CFAP92: variants seen among roughly 807,000 people sequenced by gnomAD.
CFAP92 encodes uncharacterized protein CFAP92.
Under a neutral mutation model 106.3 loss-of-function variants are expected in CFAP92, and 86 were observed. The observed-to-expected ratio is 0.81, with a 90% CI of 0.68 to 0.97. CFAP92 has a LOEUF of 0.97. Among genes scored for constraint, CFAP92 ranks in the 50% least tolerant of loss-of-function variants. The probability of loss-of-function intolerance (pLI) is 0.00; values close to 1 mark genes in which losing one functional copy is unlikely to be tolerated. For synonymous variants in CFAP92, 477 were observed against 506.4 expected (o/e 0.94, Z 0.78); for missense variants, 1,204 against 1,283.8 (o/e 0.94, Z 0.95).
chr3:128,990,918 T>G (rs895890784), intron 2 of CFAP92, among the ~76,000 whole-genome samples: 1 of 151,850 alleles, frequency 6.6e-6, no homozygotes, highest in Admixed American at 6.6e-5. Context: ...AATAAATAAT[T>G]TATATAAAGA....
chr3:128,987,859 C>T, intron 3 of CFAP92, 30 bp from the exon 4 acceptor site: 1 of 1,561,336 alleles, frequency 6.4e-7, no homozygotes, highest in Non-Finnish European at 8.7e-7. Flanking sequence ...GAGATGTCAA[C>T]TGGGGAAAGA....
In CFAP92 at chr3:128,932,804, TC is replaced by T. The variant is rs1296035278; in HGVS notation, c.2646del (p.Asn883ThrfsTer6). 3.3e-6 allele frequency: 5 copies of T among 1,536,230 alleles called. No individual in the cohort carries two copies. In the South Asian group the frequency reaches 4.8e-5, roughly 15 times the overall value. Reference protein sequence around the residue: ...PAPNLEDYHSRNSTLTLEIHA... With the variant: ...PAPNLEDYHSXNSTLTLEIHA... ...TGGATCTCTAAGGTGAGGGTGGAGTTCCGACTGTGGTAGTCCTCAAGATTGG... is the reference window on the plus strand; with the variant it reads ...TGGATCTCTAAGGTGAGGGTGGAGTTCGACTGTGGTAGTCCTCAAGATTGG... On this transcript the variant is annotated frameshift_variant, in exon 12 of 16. Coordinates refer to ENST00000645291, the MANE Select transcript of CFAP92 (RefSeq NM_001394090.1). LOFTEE classifies it high-confidence loss of function.
rs187332837 is a variant in CFAP92, at chr3:128,962,381, C to A, written c.1353+3130G>T. Among the ~76,000 whole-genome samples, 152 of 152,260 alleles carry A rather than the reference C, an allele frequency of 1.0e-3. 1 individual carries two copies. Among genetic ancestry groups the A allele is most frequent in the Non-Finnish European group, 4.1e-4 (28 of 68,020 alleles). On this transcript the variant is annotated intron_variant, in intron 9 of 15. Transcript: ENST00000645291. ...CAGGCTTCTAAACCTCTTAAAACTC[C>A]CCAACTCTGGTGCCAACTTAGACAA...
In CFAP92 at chr3:128,987,311, T is replaced by G. The variant is rs563528275; in HGVS notation, c.667+305A>C. 1.3e-3 allele frequency among the ~76,000 whole-genome samples: 193 copies of G among 147,518 alleles called. 2 individuals carry two copies. The South Asian group carries it at 0.013, about 10-fold the overall frequency. ...TGGTATCCTCTAAGTTTGTTTTTTG[T>G]TTTTTTTTTTCAGTGAACATATAAT... On this transcript the variant is annotated intron_variant, in intron 4 of 15. Coordinates refer to ENST00000645291, the MANE Select transcript of CFAP92 (RefSeq NM_001394090.1).
chr3:128,998,698 T>C (rs997795505), upstream of CFAP92, among the ~76,000 whole-genome samples: 3 of 152,188 alleles, frequency 2.0e-5, no homozygotes, highest in Admixed American at 6.5e-5. Context: ...AAGCACCTTA[T>C]AGTTCATCCC....
At position 128,964,817 on chromosome 3, in the gene CFAP92, C is replaced by T. The variant is rs1178580953; in HGVS notation, c.1353+694G>A. 2.0e-5 allele frequency among the ~76,000 whole-genome samples: 3 copies of T among 152,174 alleles called. No individual in the cohort carries two copies. The East Asian group carries it at 5.8e-4, about 29-fold the overall frequency. On this transcript the variant is annotated intron_variant, in intron 9 of 15. Coordinates refer to ENST00000645291, the MANE Select transcript of CFAP92 (RefSeq NM_001394090.1). ...GCTTAATCTCTCCCACTCTAGGTTCCCACGCTGCCCCTAATCCCGCTTGAA... is the reference window on the plus strand; with the variant it reads ...GCTTAATCTCTCCCACTCTAGGTTCTCACGCTGCCCCTAATCCCGCTTGAA...
At chr3:128,920,604 A>G (rs1344146593) in intron 12 of CFAP92, among the ~76,000 whole-genome samples, 1 of 152,184 alleles carries the variant, frequency 6.6e-6, no homozygotes, top group Non-Finnish European at 1.5e-5. Flanking sequence ...AAAAAGGCTG[A>G]GGCAGGGCTT....
rs1218169336 is a variant in CFAP92, at chr3:128,937,046, G to T, written c.2259-1727C>A. Among the ~76,000 whole-genome samples the T allele has an allele frequency of 2.0e-5, 3 of 151,994 alleles. No individual in the cohort carries two copies. In the East Asian group the frequency reaches 5.8e-4, roughly 29 times the overall value. On this transcript the variant is annotated intron_variant, in intron 10 of 15. Coordinates refer to ENST00000645291, the MANE Select transcript of CFAP92 (RefSeq NM_001394090.1). ...TTTTTAATTTTGCTTTCCAAAAACA[G>T]ATTTTTCACTTTGGGAGGTCGAGGT...
intron 4 of CFAP92, among the ~76,000 whole-genome samples, chr3:128,983,539 A>C (rs2107804998): frequency 6.6e-6 from 1 of 152,334 alleles, no homozygotes; most frequent in East Asian, 1.9e-4. Flanking sequence ...GAGGCCTCGC[A>C]TGCACATGGC....
At chr3:128,935,373 C>G in intron 10 of CFAP92, 54 bp from the exon 11 acceptor site, 13 of 1,276,672 alleles carry the variant, frequency 1.0e-5, no homozygotes, top group Middle Eastern at 1.9e-4. Flanking sequence ...CCTGGGACAC[C>G]GTGGTGAGGG....
intron 12 of CFAP92, among the ~76,000 whole-genome samples, chr3:128,919,285 T>C (rs545095476): frequency 6.6e-6 from 1 of 151,890 alleles, no homozygotes; most frequent in South Asian, 2.1e-4. Flanking sequence ...TCTACAAAAC[T>C]TTCAACACAA....
upstream of CFAP92, chr3:129,004,083 C>G: frequency 6.7e-7 from 1 of 1,488,624 alleles, no homozygotes; most frequent in Non-Finnish European, 8.9e-7. Context: ...TACAGGTGAG[C>G]GGGGGCGCGT....
chr3:128,942,839 G>A (rs1439411965), intron 10 of CFAP92, among the ~76,000 whole-genome samples: 7 of 148,932 alleles, frequency 4.7e-5, no homozygotes, highest in Non-Finnish European at 7.4e-5. Flanking sequence ...CTGCCACCAC[G>A]CCTGGCTAAT....
chr3:128,961,687 C>T (rs1941934105), intron 9 of CFAP92, among the ~76,000 whole-genome samples: 1 of 152,224 alleles, frequency 6.6e-6, no homozygotes, highest in African/African-American at 2.4e-5. Context: ...AGACGCTTTA[C>T]AGCCCTAGAC....
At chr3:129,001,789 G>T in intron 1 of CFAP92, 1 of 1,544,398 alleles carries the variant, frequency 6.5e-7, no homozygotes. Flanking sequence ...CTGGCCACCG[G>T]CCTGGACCAG....
chr3:128,953,486 G>A (rs1941015492), intron 9 of CFAP92, among the ~76,000 whole-genome samples: 2 of 151,914 alleles, frequency 1.3e-5, no homozygotes, highest in African/African-American at 4.8e-5. Flanking sequence ...CTGCACTCCA[G>A]CCAGGGCGAC....
intron 10 of CFAP92, 64 bp downstream of exon 10, chr3:128,945,007 C>T (rs1940060716): frequency 2.2e-6 from 3 of 1,380,966 alleles, no homozygotes; most frequent in Non-Finnish European, 2.9e-6. Context: ...TCTGAAAGAC[C>T]TCTCCACTCC....
chr3:128,964,495 A>G (rs1222750993), intron 9 of CFAP92, among the ~76,000 whole-genome samples: 1 of 152,158 alleles, frequency 6.6e-6, no homozygotes, highest in Non-Finnish European at 1.5e-5. Flanking sequence ...TGTTTCTCCA[A>G]GCCATCACAG....
rs796205529 is a variant in CFAP92 at position 128,971,693 on chromosome 3, G to GAGAA, written c.1022-264_1022-261dup. 7.2e-4 allele frequency among the ~76,000 whole-genome samples: 110 copies of GAGAA among 152,312 alleles called. 1 individual carries two copies. The highest frequency in any genetic ancestry group is 2.6e-3 in the African/African-American group (109 of 41,562). Reference sequence around the variant, plus strand: ...CTGCTAACTGAGAACACAGACAGAAGAGAACTAAGGTCATCATGACAATGA... The same window carrying GAGAA: ...CTGCTAACTGAGAACACAGACAGAAGAGAAAGAACTAAGGTCATCATGACAATGA... On this transcript the variant is annotated intron_variant, in intron 7 of 15. Transcript: ENST00000645291.
Sources: gnomAD v4.1 joint callset for allele counts (sites outside exome capture counted in the v4.1 genomes callset) on GRCh38, gnomAD v4.1.1 for gene constraint, MANE v1.5 for transcripts, NCBI Gene and HGNC (gene_info 2026-07-23, HGNC 2026-07-21) for gene names.